The following PLPP1 variants were observed in gnomAD, a reference collection of about 807,000 sequenced individuals.
PLPP1 encodes phospholipid phosphatase 1.
Under a neutral mutation model 31.2 loss-of-function variants are expected in PLPP1, and 24 were observed. The observed-to-expected ratio is 0.77, with a 90% CI of 0.56 to 1.08. The LOEUF (loss-of-function observed/expected upper bound fraction) is 1.08, where lower values mean the gene tolerates loss of function less well. PLPP1 is among the 50% of genes least tolerant of loss of function. The pLI, the probability that PLPP1 is intolerant of heterozygous loss-of-function variation, is 0.00. For missense variants in PLPP1, 319 were observed against 342.7 expected (o/e 0.93, Z 0.55); for synonymous variants, 146 against 126.3 (o/e 1.16, Z -1.05).
intron 4 of PLPP1, among the ~76,000 whole-genome samples, chr5:55,434,921 A>C (rs978747563): frequency 6.6e-6 from 1 of 152,170 alleles, no homozygotes; most frequent in African/African-American, 2.4e-5. Flanking sequence ...TAAACTAAAA[A>C]CCTGCACAGC....
At chr5:55,497,984 C>T (rs891112323) in intron 1 of PLPP1, among the ~76,000 whole-genome samples, 49 of 151,466 alleles carry the variant, frequency 3.2e-4, no homozygotes, top group African/African-American at 1.1e-3. Flanking sequence ...GCAGGGAAGG[C>T]AATGACAGAA....
chr5:55,433,765 G>A (rs1307512727), intron 4 of PLPP1, among the ~76,000 whole-genome samples: 1 of 151,688 alleles, frequency 6.6e-6, no homozygotes, highest in African/African-American at 2.4e-5. Flanking sequence ...CCAAAGTGCT[G>A]GGATTACAGG....
At chr5:55,491,156 AT>A in intron 1 of PLPP1, 1 of 1,585,150 alleles carries the variant, frequency 6.3e-7, no homozygotes, top group South Asian at 1.2e-5. Context: ...ATTAAATTCA[AT>A]TCACTTCATT....
chr5:55,488,656 A>C (rs2111845354), intron 1 of PLPP1, among the ~76,000 whole-genome samples: 1 of 152,266 alleles, frequency 6.6e-6, no homozygotes, highest in Admixed American at 6.5e-5. Context: ...AAAAAAATAA[A>C]AATAAAAAAC....
chr5:55,469,565 A>C (rs1012764227), intron 2 of PLPP1, among the ~76,000 whole-genome samples: 1 of 152,012 alleles, frequency 6.6e-6, no homozygotes, highest in Non-Finnish European at 1.5e-5. Flanking sequence ...TGGGTTTGCT[A>C]ATCTGTGTGG....
chr5:55,472,669 AC>A (rs1389978844), intron 2 of PLPP1, among the ~76,000 whole-genome samples: 22 of 150,846 alleles, frequency 1.5e-4, no homozygotes, highest in South Asian at 4.2e-4. Context: ...AGAGAGAGAG[AC>A]AGAAAGAGAG....
intron 1 of PLPP1, among the ~76,000 whole-genome samples, chr5:55,479,700 T>C (rs1289587919): frequency 6.6e-6 from 1 of 152,202 alleles, no homozygotes; most frequent in East Asian, 1.9e-4. Flanking sequence ...ATCTTGCTGT[T>C]TGGGGTTATT....
intron 4 of PLPP1, among the ~76,000 whole-genome samples, chr5:55,433,902 C>T (rs1181856014): frequency 1.3e-5 from 2 of 151,908 alleles, no homozygotes; most frequent in African/African-American, 4.8e-5. Context: ...TTTGGGAGGC[C>T]GAGGCAGGTG....
intron 2 of PLPP1, among the ~76,000 whole-genome samples, chr5:55,473,884 G>A (rs755796704): frequency 6.6e-6 from 1 of 152,050 alleles, no homozygotes; most frequent in Non-Finnish European, 1.5e-5. Flanking sequence ...ACCCAGGTTG[G>A]TCTCAATACT....
In PLPP1 at chr5:55,441,839, CA is replaced by C; in HGVS notation, c.549+11del. 6.2e-7 allele frequency: 1 copy of C among 1,611,584 alleles called. No homozygotes were observed. On this transcript the variant is annotated intron_variant, in intron 4 of 5. Transcript: ENST00000307259. The stretch of plus-strand genomic sequence containing the variant: ...CACATAACCTAACCGTCAACAGACA[CA>C]AAGTACTTACTGCCACAAACAGCAT...
At position 55,481,572 on chromosome 5, in the gene PLPP1, T is replaced by C. The variant is rs75928122; in HGVS notation, c.59-6122A>G. Among the ~76,000 whole-genome samples, 771 of 152,234 alleles carry C rather than the reference T, an allele frequency of 5.1e-3. 3 individuals carry two copies. Among genetic ancestry groups the C allele is most frequent in the African/African-American group, 0.018 (743 of 41,548 alleles). ...CCTTGGGATTTACTGTGAGATCAAG[T>C]ACTACCTCAATAGTTTGGAAGAAAA... On this transcript the variant is annotated intron_variant, in intron 1 of 5. Coordinates refer to ENST00000307259, the MANE Select transcript of PLPP1 (RefSeq NM_003711.4).
At chr5:55,491,860 G>GA (rs35303375) in intron 1 of PLPP1, among the ~76,000 whole-genome samples, 1,480 of 102,270 alleles carry the variant, frequency 0.014, 58 homozygotes, top group African/African-American at 0.04. Context: ...TCAATCTCAG[G>GA]AAAAAAAAAA....
chr5:55,486,459 G>A (rs185369454), intron 1 of PLPP1, among the ~76,000 whole-genome samples: 15 of 151,330 alleles, frequency 9.9e-5, no homozygotes, highest in African/African-American at 2.4e-4. Context: ...GGTGGCACAC[G>A]CCTGTAGTCC....
Position 55,426,033 on chromosome 5 carries a change from G to A in PLPP1, c.556C>T (p.Leu186Phe). 1.3e-6 allele frequency: 2 copies of A among 1,583,336 alleles called. No homozygotes were observed. Among genetic ancestry groups the A allele is most frequent in the African/African-American group, 1.4e-5 (1 of 72,978 alleles). The change falls in exon 5 of 6, where the codon CTT becomes TTT. Residue 186 changes from leucine (L) to phenylalanine (F), a missense_variant. Physicochemically the swap from Leu to Phe is conservative, Grantham distance 22. Transcript: ENST00000307259. Reference protein sequence around the residue: ...MYCMLFVALYLQARMKGDWAR... With the variant: ...MYCMLFVALYFQARMKGDWAR... Reference sequence around the variant, plus strand: ...CAGTCTCCCTTCATCCTGGCTTGAAGATAAAGCTAAAAGAAAAGAATAAAG... The same window carrying A: ...CAGTCTCCCTTCATCCTGGCTTGAAAATAAAGCTAAAAGAAAAGAATAAAG...
At chr5:55,427,615 T>C (rs1315412569) in intron 4 of PLPP1, among the ~76,000 whole-genome samples, 1 of 152,182 alleles carries the variant, frequency 6.6e-6, no homozygotes, top group Non-Finnish European at 1.5e-5. Context: ...AAAATCCCTG[T>C]AGCAATATTT....
intron 1 of PLPP1, among the ~76,000 whole-genome samples, chr5:55,510,484 A>C (rs368453002): frequency 1.3e-5 from 2 of 152,346 alleles, no homozygotes; most frequent in East Asian, 1.9e-4. Flanking sequence ...ACTAAATTCC[A>C]TATTATCTGA....
At chr5:55,455,349 T>C (rs1751983133) in intron 3 of PLPP1, among the ~76,000 whole-genome samples, 1 of 152,186 alleles carries the variant, frequency 6.6e-6, no homozygotes. Context: ...CCCGGCACTG[T>C]AGGACACCGA....
At chr5:55,512,512 AAAAGAAAGAAAG>A (rs200128975) in intron 1 of PLPP1, among the ~76,000 whole-genome samples, 4,113 of 36,512 alleles carry the variant, frequency 0.11, 208 homozygotes, top group Middle Eastern at 0.25. Flanking sequence ...AAAAGAAAAG[AAAAGAAAGAAAG>A]AAAGAAAGAA....
At chr5:55,428,972 A>G (rs916320003) in intron 4 of PLPP1, among the ~76,000 whole-genome samples, 3 of 152,112 alleles carry the variant, frequency 2.0e-5, no homozygotes, top group African/African-American at 7.2e-5. Flanking sequence ...ATTCACAGTC[A>G]GTCCTATTTG....
Sources: allele counts gnomAD v4.1 joint callset (sites outside exome capture counted in the v4.1 genomes callset), GRCh38; gene constraint gnomAD v4.1.1; transcripts MANE v1.5; gene names NCBI Gene and HGNC (gene_info 2026-07-23, HGNC 2026-07-21).